TAB2: variants seen among roughly 807,000 people sequenced by gnomAD.
The protein encoded by TAB2 is TGF-beta-activated kinase 1 and MAP3K7-binding protein 2.
TAB2 carries 3 observed loss-of-function variants against 65.0 expected under a neutral mutation model. The ratio of observed to expected loss-of-function variants is 0.05; its 90% CI spans 0.02 to 0.12. TAB2 has a LOEUF of 0.12. Among genes scored for constraint, TAB2 ranks in the 10% least tolerant of loss-of-function variants. The probability of loss-of-function intolerance (pLI) is 1.00; values close to 1 mark genes in which losing one functional copy is unlikely to be tolerated. For synonymous variants in TAB2, 298 were observed against 285.1 expected, an observed-to-expected ratio of 1.05 and a Z score of -0.46; for missense variants, 623 against 840.3, an observed-to-expected ratio of 0.74 and a Z score of 3.20.
chr6:149,277,883 C>A (rs747531320), intron 1 of TAB2, among the ~76,000 whole-genome samples: 34 of 152,232 alleles, frequency 2.2e-4, no homozygotes, highest in Middle Eastern at 3.4e-3. Context: ...TTTTAACTTG[C>A]AAATAGTCTG....
At chr6:149,223,190 G>A (rs946595326) in intron 1 of TAB2, among the ~76,000 whole-genome samples, 1 of 152,100 alleles carries the variant, frequency 6.6e-6, no homozygotes, top group Non-Finnish European at 1.5e-5. Context: ...AAGCTTTTTG[G>A]GTAAGACAAT....
intron 1 of TAB2, among the ~76,000 whole-genome samples, chr6:149,331,898 G>A (rs929193427): frequency 1.6e-4 from 25 of 152,132 alleles, no homozygotes; most frequent in African/African-American, 6.0e-4. Context: ...TTTAAACAGG[G>A]AAAATATATT....
intron 1 of TAB2, among the ~76,000 whole-genome samples, chr6:149,326,918 C>G (rs1043671158): frequency 6.6e-6 from 1 of 152,128 alleles, no homozygotes; most frequent in African/African-American, 2.4e-5. Context: ...ATTTAGAAAA[C>G]CTAACATTTT....
At chr6:149,248,395 A>G (rs902278428) in intron 1 of TAB2, among the ~76,000 whole-genome samples, 14 of 128,924 alleles carry the variant, frequency 1.1e-4, no homozygotes, top group African/African-American at 4.0e-4. Flanking sequence ...ATGTCAAAAA[A>G]AGAGAGAGAC....
chr6:149,369,904 C>A lies in TAB2; in HGVS notation c.-89-5C>A. Reference sequence around the variant, plus strand: ...TCATTAAAATTTTTTTTCTTTCTTTCACAGAAAATGCTTGGACAGAAGAGA... The same window carrying A: ...TCATTAAAATTTTTTTTCTTTCTTTAACAGAAAATGCTTGGACAGAAGAGA... On this transcript the variant is annotated splice_region_variant and splice_polypyrimidine_tract_variant and intron_variant, in intron 1 of 6. Coordinates refer to ENST00000637181, the MANE Select transcript of TAB2 (RefSeq NM_001292034.3). 2 of 1,135,410 alleles carry A rather than the reference C, an allele frequency of 1.8e-6. No individual in the cohort carries two copies. The highest frequency in any genetic ancestry group is 2.6e-6 in the Non-Finnish European group (2 of 757,638). The allele number at this position is 1,135,410 out of a possible 1,614,324, so 70.3% of individuals were successfully genotyped here.
chr6:149,224,701 C>T (rs1014749215), intron 1 of TAB2, among the ~76,000 whole-genome samples: 15 of 152,192 alleles, frequency 9.9e-5, no homozygotes, highest in Non-Finnish European at 1.8e-4. Flanking sequence ...AAAAGAGCAA[C>T]AGGAAGAAAC....
chr6:149,277,593 G>C (rs1778499678), intron 1 of TAB2, among the ~76,000 whole-genome samples: 1 of 152,076 alleles, frequency 6.6e-6, no homozygotes, highest in Non-Finnish European at 1.5e-5. Context: ...TGAAAGACAA[G>C]AGTCTACTTT....
At position 149,351,027 on chromosome 6, in the gene TAB2, CCTTT is replaced by C. The variant is rs537796723; in HGVS notation, c.-89-18878_-89-18875del. ...ATCCCCTTCTTTCCTCTTTGTCCCTCCTTTCTTCCTCCTGCAAGACAGGTGACAC... is the reference window on the plus strand; with the variant it reads ...ATCCCCTTCTTTCCTCTTTGTCCCTCCTTCCTCCTGCAAGACAGGTGACAC... On this transcript the variant is annotated intron_variant, in intron 1 of 6. Coordinates refer to ENST00000637181, the MANE Select transcript of TAB2 (RefSeq NM_001292034.3). 4.9e-3 allele frequency among the ~76,000 whole-genome samples: 752 copies of C among 152,256 alleles called. 4 individuals carry two copies. Among genetic ancestry groups the C allele is most frequent in the African/African-American group, 0.017 (711 of 41,514 alleles).
chr6:149,280,650 A>G (rs142902150), intron 1 of TAB2, among the ~76,000 whole-genome samples: 19 of 152,324 alleles, frequency 1.2e-4, no homozygotes, highest in African/African-American at 4.6e-4. Context: ...AGTAAAATCA[A>G]GACTCAGACA....
chr6:149,306,344 T>C (rs968704620), intron 1 of TAB2, among the ~76,000 whole-genome samples: 7 of 151,870 alleles, frequency 4.6e-5, no homozygotes, highest in Admixed American at 3.3e-4. Context: ...ATCGAGACCA[T>C]CCTGGCTAAC....
chr6:149,369,921 C>A lies in TAB2; in HGVS notation c.-77C>A. The A allele has an allele frequency of 8.0e-7, 1 of 1,251,584 alleles. No individual in the cohort carries two copies. The allele number at this position is 1,251,584 out of a possible 1,614,324, so 77.5% of individuals were successfully genotyped here. A position where few individuals can be genotyped will look rare whatever the true frequency, so the allele number is the denominator to read the frequency against. ...CTTTCTTTCACAGAAAATGCTTGGA[C>A]AGAAGAGATGAGTACTATTTCCACT... is the stretch of plus-strand genomic sequence containing the variant. On this transcript the variant is annotated 5_prime_UTR_variant, in exon 2 of 7. Transcript: ENST00000637181.
rs190660616 is a variant in TAB2 at position 149,370,278 on chromosome 6, C to T, written c.102+179C>T. Among the ~76,000 whole-genome samples, 155 of 152,280 alleles carry T rather than the reference C, an allele frequency of 1.0e-3. 1 individual carries two copies. Among genetic ancestry groups the T allele is most frequent in the Non-Finnish European group, 2.0e-3 (134 of 68,022 alleles). ...GCAAGATGGAGCTTTCTGTACCCAT[C>T]TGTAGTATGGATAATACTTGACTTG... is the stretch of plus-strand genomic sequence containing the variant. On this transcript the variant is annotated intron_variant, in intron 2 of 6. Coordinates refer to ENST00000637181, the MANE Select transcript of TAB2 (RefSeq NM_001292034.3).
At chr6:149,317,084 G>A (rs1362608879), upstream of TAB2, among the ~76,000 whole-genome samples, 3 of 149,998 alleles carry the variant, frequency 2.0e-5, no homozygotes, top group Non-Finnish European at 4.5e-5. The surrounding 1 kb of genome is among the most constrained non-coding windows in gnomAD (Gnocchi z 4.7). Context: ...GCCGCCGGCC[G>A]CCCGGCAAGT....
intron 1 of TAB2, among the ~76,000 whole-genome samples, chr6:149,259,292 C>G (rs1400621312): frequency 6.6e-6 from 1 of 151,560 alleles, no homozygotes; most frequent in Admixed American, 6.6e-5. Flanking sequence ...CACATCTGTT[C>G]ACAGTGCAGA....
chr6:149,319,695 C>G (rs1779372831), intron 1 of TAB2, among the ~76,000 whole-genome samples: 1 of 152,198 alleles, frequency 6.6e-6, no homozygotes, highest in Non-Finnish European at 1.5e-5. Flanking sequence ...TTTCAAGAAT[C>G]AAACTGAAAG....
chr6:149,273,400 T>C (rs554801131), intron 1 of TAB2, among the ~76,000 whole-genome samples: 4 of 152,268 alleles, frequency 2.6e-5, no homozygotes, highest in Admixed American at 2.6e-4. Flanking sequence ...TTCCTGTGGG[T>C]TGAGTGGCTC....
intron 1 of TAB2, among the ~76,000 whole-genome samples, chr6:149,303,806 T>C (rs1779011206): frequency 6.6e-6 from 1 of 152,214 alleles, no homozygotes; most frequent in African/African-American, 2.4e-5. Context: ...GACGAGGTCC[T>C]GTGCAAGGAG....
chr6:149,227,555 C>A (rs965036594), intron 1 of TAB2, among the ~76,000 whole-genome samples: 2 of 152,148 alleles, frequency 1.3e-5, no homozygotes, highest in African/African-American at 4.8e-5. Flanking sequence ...CAGGGCATGC[C>A]TTCAAGACAC....
At chr6:149,343,668 G>A (rs923565326) in intron 1 of TAB2, among the ~76,000 whole-genome samples, 2 of 152,110 alleles carry the variant, frequency 1.3e-5, no homozygotes, top group African/African-American at 2.4e-5. Context: ...GTTACAAATA[G>A]TCAGAGTCAT....
Sources: gnomAD v4.1 joint callset for allele counts (sites outside exome capture counted in the v4.1 genomes callset) on GRCh38, gnomAD v4.1.1 for gene constraint, Gnocchi (gnomAD v3.1) non-coding constraint, MANE v1.5 for transcripts, NCBI Gene and HGNC (gene_info 2026-07-23, HGNC 2026-07-21) for gene names.